SCIN: variants seen among roughly 807,000 people sequenced by gnomAD.
The protein encoded by SCIN is adseverin.
Under a neutral mutation model 91.8 loss-of-function variants are expected in SCIN, and 91 were observed. The ratio of observed to expected loss-of-function variants is 0.99; its 90% confidence interval spans 0.84 to 1.18. The LOEUF (loss-of-function observed/expected upper bound fraction) is 1.18. SCIN is among the 50% of genes most tolerant of loss of function. The pLI, the probability that SCIN is intolerant of heterozygous loss-of-function variation, is 0.00. For synonymous variants in SCIN, 367 were observed against 312.6 expected (o/e 1.17, Z -1.84); for missense variants, 1,087 against 863.9 (o/e 1.26, Z -3.24).
At chr7:12,603,235 C>G (rs562739335) in intron 3 of SCIN, among the ~76,000 whole-genome samples, 2 of 152,048 alleles carry the variant, frequency 1.3e-5, no homozygotes, top group Non-Finnish European at 2.9e-5. Flanking sequence ...AGCTTTGCCT[C>G]CCGGGTTCAC....
In SCIN at chr7:12,628,261, A is replaced by C. The variant is rs570314842; in HGVS notation, c.1198-840A>C. On this transcript the variant is annotated intron_variant, in intron 8 of 15. Transcript: ENST00000297029. ...GTCTTATTCCTGGATGGCACCTTTT[A>C]AAAACAGAAGTCATATTATTGGCAT... is the stretch of plus-strand genomic sequence containing the variant. Among the ~76,000 whole-genome samples the C allele has an allele frequency of 5.3e-5, 8 of 152,252 alleles. No homozygotes were observed. The South Asian group carries it at 1.7e-3, about 32-fold the overall frequency.
chr7:12,609,651 A>G (rs1243826993), intron 4 of SCIN, among the ~76,000 whole-genome samples: 1 of 152,060 alleles, frequency 6.6e-6, no homozygotes, highest in African/African-American at 2.4e-5. Flanking sequence ...AACAACAACA[A>G]TTTTTTTTAT....
chr7:12,639,945 T>C (rs578187225), intron 10 of SCIN, among the ~76,000 whole-genome samples: 2 of 152,360 alleles, frequency 1.3e-5, no homozygotes, highest in South Asian at 4.1e-4. Flanking sequence ...GAGATTCTAG[T>C]ACCTCTGTAA....
intron 3 of SCIN, among the ~76,000 whole-genome samples, chr7:12,602,802 A>T (rs963098339): frequency 2.0e-5 from 3 of 152,174 alleles, no homozygotes; most frequent in Non-Finnish European, 4.4e-5. Context: ...TTCTTTTTCA[A>T]GGTGCACTGA....
intron 4 of SCIN, among the ~76,000 whole-genome samples, chr7:12,615,987 GTGTATA>G (rs1244853940): frequency 3.3e-5 from 5 of 152,072 alleles, no homozygotes; most frequent in Non-Finnish European, 2.9e-5. Context: ...ATATAAATAT[GTGTATA>G]TGTATATGTA....
chr7:12,656,675 G>A lies in SCIN; in HGVS notation c.*3960G>A, dbSNP rs1029740442. On this transcript the variant is annotated 3_prime_UTR_variant, in exon 16 of 16. Coordinates refer to ENST00000297029, the MANE Select transcript of SCIN (RefSeq NM_001112706.3). ...GCAGTGGCTGACGCCTGTAATCCCA[G>A]CACTTTGAAAGGCCAAGGCGGTTGG... 6.6e-6 allele frequency: 1 copy of A among 152,180 alleles called. No individual in the cohort carries two copies. Among genetic ancestry groups the A allele is most frequent in the South Asian group, 2.1e-4 (1 of 4,828 alleles). 9.4% of individuals were successfully genotyped at this position (152,180 alleles called of 1,614,324 possible).
Position 12,625,811 on chromosome 7 carries a change from A to G in SCIN, c.942A>G (p.Glu314=). 6.2e-7 allele frequency: 1 copy of G among 1,613,024 alleles called. No individual in the cohort carries two copies. The highest frequency in any genetic ancestry group is 1.1e-5 in the South Asian group (1 of 90,994). The change falls in exon 7 of 16, where the codon GAA becomes GAG. Residue 314 remains glutamate (E), a synonymous_variant. Transcript: ENST00000297029. ...QERKAAMKTA[E]EFLQQMNYSK... ...GGAAGGCTGCAATGAAGACAGCTGA[A>G]GAATTTCTACAGCAAATGAATTATT...
intron 11 of SCIN, among the ~76,000 whole-genome samples, chr7:12,641,429 C>G (rs953005250): frequency 2.0e-5 from 3 of 152,282 alleles, no homozygotes; most frequent in Middle Eastern, 3.4e-3. Context: ...ACCCTTACCT[C>G]TTTGATTTTA....
chr7:12,606,069 G>A (rs534852016), intron 4 of SCIN, among the ~76,000 whole-genome samples: 34 of 152,098 alleles, frequency 2.2e-4, no homozygotes, highest in East Asian at 1.5e-3. Context: ...GTCTTCATAC[G>A]TATTCACAAA....
rs372438836 is a variant in SCIN, at chr7:12,644,194, A to C, written c.1638A>C (p.Pro546=). The C allele has an allele frequency of 6.8e-6, 11 of 1,612,892 alleles. No homozygotes were observed. The highest frequency in any genetic ancestry group is 8.5e-6 in the Non-Finnish European group (10 of 1,179,380). Residue 546 remains proline (P), a synonymous_variant, in exon 12 of 16, where the codon CCA becomes CCC. Transcript: ENST00000297029. ...ACGATGTTTTTGTCCTGAAACTGCC[A>C]CAAAATAGTGGCTACATCTGGGTAG... ...NSNDVFVLKL[P]QNSGYIWVGK... is the part of the protein sequence containing the mutation.
At chr7:12,623,344 G>C (rs1311804446) in intron 5 of SCIN, among the ~76,000 whole-genome samples, 1 of 152,082 alleles carries the variant, frequency 6.6e-6, no homozygotes, top group Non-Finnish European at 1.5e-5. Flanking sequence ...GAAACAGCTG[G>C]AGGGAAACAG....
At chr7:12,592,459 A>G (rs11767472) in intron 3 of SCIN, among the ~76,000 whole-genome samples, 137,687 of 151,780 alleles carry the variant, frequency 0.91, 62,624 homozygotes, top group East Asian at 1. Context: ...ATTGAGGAAC[A>G]TTGGGAAATT....
intron 1 of SCIN, among the ~76,000 whole-genome samples, chr7:12,573,334 G>C (rs1782306619): frequency 1.3e-5 from 2 of 152,002 alleles, no homozygotes. Flanking sequence ...GATGAAAAAA[G>C]GTGCATAGCA....
intron 14 of SCIN, among the ~76,000 whole-genome samples, chr7:12,650,135 G>A (rs943670196): frequency 1.3e-5 from 2 of 152,176 alleles, no homozygotes; most frequent in African/African-American, 4.8e-5. Flanking sequence ...TATAGAACAA[G>A]TGTGAAATGC....
chr7:12,586,394 C>T (rs1309909901), intron 3 of SCIN, among the ~76,000 whole-genome samples: 4 of 152,098 alleles, frequency 2.6e-5, no homozygotes, highest in African/African-American at 9.7e-5. Context: ...CATCTTATCC[C>T]AGTTAGAATG....
Position 12,636,779 on chromosome 7 carries a change from G to A in SCIN, c.1410+644G>A, listed in dbSNP as rs114085180. Reference sequence around the variant, plus strand: ...TTATGTAGTTGCAAATTGCTAGAACGAGGATATCGAACATTCCCAACACAA... The same window carrying A: ...TTATGTAGTTGCAAATTGCTAGAACAAGGATATCGAACATTCCCAACACAA... On this transcript the variant is annotated intron_variant, in intron 10 of 15. Coordinates refer to ENST00000297029, the MANE Select transcript of SCIN (RefSeq NM_001112706.3). 4.7e-3 allele frequency among the ~76,000 whole-genome samples: 722 copies of A among 152,262 alleles called. 7 individuals carry two copies. Among genetic ancestry groups the A allele is most frequent in the African/African-American group, 0.016 (672 of 41,552 alleles).
Position 12,656,416 on chromosome 7 carries a change from A to G in SCIN, c.*3701A>G, listed in dbSNP as rs1165225951. The G allele has an allele frequency of 6.6e-5, 10 of 152,106 alleles. No individual in the cohort carries two copies. The highest frequency in any genetic ancestry group is 6.6e-4 in the Admixed American group (10 of 15,264). The allele number at this position is 152,106 out of a possible 1,614,324, so 9.4% of individuals were successfully genotyped here. On this transcript the variant is annotated 3_prime_UTR_variant, in exon 16 of 16. Transcript: ENST00000297029. ...TTTAAACCTAATTTATTTATTTTAAACCTAATTTATTTTAAACCTAATTTA... is the reference window on the plus strand; with the variant it reads ...TTTAAACCTAATTTATTTATTTTAAGCCTAATTTATTTTAAACCTAATTTA...
intron 4 of SCIN, among the ~76,000 whole-genome samples, chr7:12,618,732 A>G (rs1783347879): frequency 6.6e-6 from 1 of 152,136 alleles, no homozygotes; most frequent in African/African-American, 2.4e-5. Context: ...CACTCTTACA[A>G]TTTATTTCTA....
rs1784071927 is a variant in SCIN at position 12,651,203 on chromosome 7, G to A, written c.1960-638G>A. On this transcript the variant is annotated intron_variant, in intron 14 of 15. Transcript: ENST00000297029. The surrounding 1 kb of genome is among the most constrained non-coding windows in gnomAD (Gnocchi z 5.9). Reference sequence around the variant, plus strand: ...GTTATGGGAGGGAGAGAAGAGGCCTGGCTAGGAAAGATGGTCTTGTTATGG... The same window carrying A: ...GTTATGGGAGGGAGAGAAGAGGCCTAGCTAGGAAAGATGGTCTTGTTATGG... 6.6e-6 allele frequency among the ~76,000 whole-genome samples: 1 copy of A among 152,168 alleles called. No homozygotes were observed. The highest frequency in any genetic ancestry group is 1.5e-5 in the Non-Finnish European group (1 of 68,022).
Sources: gnomAD v4.1 joint callset for allele counts (sites outside exome capture counted in the v4.1 genomes callset) on GRCh38, gnomAD v4.1.1 for gene constraint, Gnocchi (gnomAD v3.1) non-coding constraint, MANE v1.5 for transcripts, NCBI Gene and HGNC (gene_info 2026-07-23, HGNC 2026-07-21) for gene names.